Variants in TMC2 observed in about 807,000 individuals in gnomAD.
TMC2 encodes transmembrane channel-like protein 2.
In TMC2, 102 loss-of-function variants were observed where a neutral mutation model predicts 105.9. The ratio of observed to expected loss-of-function variants is 0.96; its 90% CI spans 0.82 to 1.14. The LOEUF (loss-of-function observed/expected upper bound fraction) is 1.14. TMC2 is among the 50% of genes most tolerant of loss of function. TMC2 has a pLI of 0.00. For missense variants in TMC2, 1,093 were observed against 1,134.3 expected, an observed-to-expected ratio of 0.96 and a Z score of 0.52; for synonymous variants, 402 against 422.8, an observed-to-expected ratio of 0.95 and a Z score of 0.60.
chr20:2,548,935 T>A (rs2085940747), intron 2 of TMC2, among the ~76,000 whole-genome samples: 1 of 152,218 alleles, frequency 6.6e-6, no homozygotes, highest in Non-Finnish European at 1.5e-5. Flanking sequence ...AATAAAAACG[T>A]AAGCTAGTCT....
rs1355081198 is a variant in TMC2, at chr20:2,537,220, G to A, written c.35-49G>A. On this transcript the variant is annotated intron_variant, in intron 1 of 19. Coordinates refer to ENST00000358864, the MANE Select transcript of TMC2 (RefSeq NM_080751.3). ...ACAGTGACCGGGGGTCTGCAGGGAG[G>A]GGGACTCACCAGAGGCCAGCCATTT... is the stretch of plus-strand genomic sequence containing the variant. 4 of 1,551,566 alleles carry A rather than the reference G, an allele frequency of 2.6e-6. No individual in the cohort carries two copies. In the South Asian group the frequency reaches 3.5e-5, roughly 14 times the overall value.
intron 6 of TMC2, 134 bp from the exon 7 acceptor site, chr20:2,579,816 G>T (rs2086175539): frequency 1.7e-6 from 1 of 579,618 alleles, no homozygotes; most frequent in African/African-American, 1.9e-5. Context: ...TATTTATCCA[G>T]GAAAAGAAAG....
rs984422663 is a variant in TMC2 at position 2,610,347 on chromosome 20, A to G, written c.1414-72A>G. The G allele has an allele frequency of 2.4e-5, 33 of 1,391,732 alleles. No individual in the cohort carries two copies. The African/African-American group carries it at 4.6e-4, about 19-fold the overall frequency. The allele number at this position is 1,391,732 out of a possible 1,614,324, so 86.2% of individuals were successfully genotyped here. On this transcript the variant is annotated intron_variant, in intron 11 of 19. Transcript: ENST00000358864. The stretch of plus-strand genomic sequence containing the variant: ...AGCAGAGAAGTGGAGATGGATGGCC[A>G]TGGGAGTGCAGAGATGGCAGCCAAA...
chr20:2,570,515 C>CA lies in TMC2; in HGVS notation c.555-1655dup, dbSNP rs375086454. ...TGACTAAAGAAATCATAGGTAATAC[C>CA]AAAAAAAAATCCATGCTCATGGATT... On this transcript the variant is annotated intron_variant, in intron 4 of 19. Coordinates refer to ENST00000358864, the MANE Select transcript of TMC2 (RefSeq NM_080751.3). Among the ~76,000 whole-genome samples the CA allele has an allele frequency of 4.7e-3, 701 of 150,046 alleles. 9 individuals are homozygous for CA. The highest frequency in any genetic ancestry group is 0.016 in the African/African-American group (650 of 41,026).
intron 11 of TMC2, among the ~76,000 whole-genome samples, chr20:2,609,336 G>T (rs932832493): frequency 1.3e-5 from 2 of 152,158 alleles, no homozygotes; most frequent in Non-Finnish European, 2.9e-5. Flanking sequence ...GGGACTTTGG[G>T]GGCCTCTCTG....
intron 19 of TMC2, among the ~76,000 whole-genome samples, chr20:2,640,021 C>T (rs906848817): frequency 6.6e-6 from 1 of 152,176 alleles, no homozygotes. Context: ...CACACTCTGT[C>T]GCCCAGGCTG....
At chr20:2,539,035 G>T (rs2085870812) in intron 2 of TMC2, among the ~76,000 whole-genome samples, 1 of 152,184 alleles carries the variant, frequency 6.6e-6, no homozygotes, top group African/African-American at 2.4e-5. Context: ...TTTGGTAAGT[G>T]CACTGAACTG....
In TMC2 at chr20:2,584,272, G is replaced by A. The variant is rs1405650563; in HGVS notation, c.834+4216G>A. On this transcript the variant is annotated intron_variant, in intron 7 of 19. Transcript: ENST00000358864. ...ATCCCGGCTAACACGGTGAAACCCC[G>A]TCTCTACTAAAAATACAAAAAATTA... is the stretch of plus-strand genomic sequence containing the variant. Among the ~76,000 whole-genome samples, 8 of 150,530 alleles carry A rather than the reference G, an allele frequency of 5.3e-5. No individual in the cohort carries two copies. The South Asian group carries it at 6.3e-4, about 12-fold the overall frequency.
chr20:2,628,500 C>T (rs1484703479), intron 17 of TMC2, among the ~76,000 whole-genome samples: 1 of 151,880 alleles, frequency 6.6e-6, no homozygotes, highest in Non-Finnish European at 1.5e-5. Flanking sequence ...AATTGTAATC[C>T]CCATAATCCC....
At position 2,579,138 on chromosome 20, in the gene TMC2, T is replaced by C. The variant is rs778358916; in HGVS notation, c.646-8T>C. On this transcript the variant is annotated splice_polypyrimidine_tract_variant and splice_region_variant and intron_variant, in intron 5 of 19. Coordinates refer to ENST00000358864, the MANE Select transcript of TMC2 (RefSeq NM_080751.3). ...AAGGAACTGAGAGTTTTACGTCTTT[T>C]ATTTCAGAAATGGGTCAAATTTAAG... is the stretch of plus-strand genomic sequence containing the variant. The C allele has an allele frequency of 2.6e-6, 4 of 1,525,530 alleles. No individual in the cohort carries two copies. The highest frequency in any genetic ancestry group is 2.7e-5 in the African/African-American group (2 of 73,102). 94.5% of individuals were successfully genotyped at this position (1,525,530 alleles called of 1,614,324 possible).
At chr20:2,620,438 T>C (rs575544616) in intron 16 of TMC2, among the ~76,000 whole-genome samples, 1 of 152,216 alleles carries the variant, frequency 6.6e-6, no homozygotes, top group East Asian at 1.9e-4. Context: ...ACTAATCGTG[T>C]GACTAATGCA....
intron 17 of TMC2, among the ~76,000 whole-genome samples, chr20:2,632,460 T>G (rs2086610286): frequency 6.6e-6 from 1 of 152,356 alleles, no homozygotes; most frequent in South Asian, 2.1e-4. Context: ...ATAACTGATT[T>G]AAAGTCTTTG....
chr20:2,552,670 C>G (rs1316161166), intron 2 of TMC2, among the ~76,000 whole-genome samples: 1 of 152,102 alleles, frequency 6.6e-6, no homozygotes, highest in Non-Finnish European at 1.5e-5. Context: ...CTCGTGCCAC[C>G]ATGCCCAGCT....
chr20:2,567,450 A>C (rs567003526), intron 4 of TMC2, among the ~76,000 whole-genome samples: 1 of 152,386 alleles, frequency 6.6e-6, no homozygotes, highest in East Asian at 1.9e-4. Flanking sequence ...ATCGCTTGCC[A>C]TACCAAGAAC....
rs750556547 is a variant in TMC2, at chr20:2,592,409, G to T, written c.933+1G>T. On this transcript the variant is annotated splice_donor_variant, in intron 8 of 19. Transcript: ENST00000358864. LOFTEE classifies it high-confidence loss of function. The surrounding 1 kb of genome is among the most constrained non-coding windows in gnomAD (Gnocchi z 4.9). ...TTTTTCTGTCCTTTGGGATTTTGAG[G>T]TACTATTGTCAACATGCCAATGAAC... The T allele has an allele frequency of 1.2e-6, 2 of 1,602,690 alleles. No homozygotes were observed. Among genetic ancestry groups the T allele is most frequent in the Admixed American group, 1.7e-5 (1 of 60,004 alleles).
intron 4 of TMC2, among the ~76,000 whole-genome samples, chr20:2,563,325 T>C (rs2086041128): frequency 6.6e-6 from 1 of 152,148 alleles, no homozygotes; most frequent in Non-Finnish European, 1.5e-5. Flanking sequence ...TCATCTCCTA[T>C]ATGGCTGCAA....
chr20:2,636,034 G>A (rs775093981), intron 18 of TMC2, 30 bp downstream of exon 18: 3 of 1,583,558 alleles, frequency 1.9e-6, no homozygotes, highest in African/African-American at 2.7e-5. Flanking sequence ...CATCCTGGAC[G>A]GTAAAAAGAG....
At chr20:2,560,504 C>T (rs367709140) in intron 3 of TMC2, among the ~76,000 whole-genome samples, 3 of 152,126 alleles carry the variant, frequency 2.0e-5, no homozygotes, top group African/African-American at 7.2e-5. Flanking sequence ...CCCGATTGGG[C>T]GCTGTCTCAC....
intron 16 of TMC2, among the ~76,000 whole-genome samples, chr20:2,623,014 C>A (rs938080986): frequency 6.6e-6 from 1 of 151,990 alleles, no homozygotes; most frequent in African/African-American, 2.4e-5. Context: ...TATTGAACTT[C>A]TGCAGATATT....
Sources: gnomAD v4.1 joint callset for allele counts (sites outside exome capture counted in the v4.1 genomes callset) on GRCh38, gnomAD v4.1.1 for gene constraint, Gnocchi (gnomAD v3.1) non-coding constraint, MANE v1.5 for transcripts, NCBI Gene and HGNC (gene_info 2026-07-23, HGNC 2026-07-21) for gene names.